The following VPS13C variants were observed in gnomAD, a reference collection of about 807,000 sequenced individuals.
VPS13C encodes intermembrane lipid transfer protein VPS13C.
VPS13C carries 358 observed loss-of-function variants against 456.8 expected under a neutral mutation model. The ratio of observed to expected loss-of-function variants is 0.78; its 90% CI spans 0.72 to 0.86. VPS13C has a LOEUF of 0.86. Ranked by LOEUF, VPS13C falls within the 40% of genes least tolerant of loss-of-function variation. VPS13C has a pLI of 0.00. For synonymous variants in VPS13C, 1,578 were observed against 1,486.7 expected (o/e 1.06, Z -1.41); for missense variants, 4,818 against 4,385.4 (o/e 1.10, Z -2.79).
At chr15:61,950,879 A>T (rs532095703) in intron 40 of VPS13C, 66 bp downstream of exon 40, 2 of 991,580 alleles carry the variant, frequency 2.0e-6, no homozygotes, top group Non-Finnish European at 2.8e-6. Context: ...TGAGAATATT[A>T]AATATAAGGG....
At chr15:62,046,558 C>G (rs2048409310) in intron 1 of VPS13C, among the ~76,000 whole-genome samples, 1 of 152,128 alleles carries the variant, frequency 6.6e-6, no homozygotes, top group Non-Finnish European at 1.5e-5. Flanking sequence ...TTAATAAGAT[C>G]TAAGGCCCAC....
At chr15:61,963,750 TTG>T in intron 32 of VPS13C, 83 bp downstream of exon 32, 1 of 955,214 alleles carries the variant, frequency 1.0e-6, no homozygotes, top group Non-Finnish European at 1.6e-6. Flanking sequence ...AGCCCTTTAT[TTG>T]TACATTCTTT....
chr15:62,010,033 CA>C (rs925918493), intron 13 of VPS13C, among the ~76,000 whole-genome samples: 7 of 151,402 alleles, frequency 4.6e-5, no homozygotes, highest in Non-Finnish European at 8.9e-5. Flanking sequence ...TAAAAAAATA[CA>C]AAAAAAATAG....
intron 48 of VPS13C, among the ~76,000 whole-genome samples, chr15:61,934,912 G>A (rs373889468): frequency 1.1e-3 from 171 of 151,904 alleles, no homozygotes; most frequent in African/African-American, 3.8e-3. Context: ...CACCACTCCC[G>A]GCTAATTTTT....
rs1772428968 is a variant in VPS13C, at chr15:61,939,099, A to G, written c.5601+1548T>C. ...TTTACAACATCCATTATATGAAGAT[A>G]CCAAAATTTTATCCATGTTCTGCTA... On this transcript the variant is annotated intron_variant, in intron 47 of 84. Transcript: ENST00000644861. Among the ~76,000 whole-genome samples the G allele has an allele frequency of 2.0e-5, 3 of 152,210 alleles. No individual in the cohort carries two copies. In the South Asian group the frequency reaches 6.2e-4, roughly 32 times the overall value.
At chr15:62,057,215 A>C (rs1340903105) in intron 1 of VPS13C, among the ~76,000 whole-genome samples, 4 of 151,588 alleles carry the variant, frequency 2.6e-5, no homozygotes, top group Non-Finnish European at 4.4e-5. Context: ...CAACAACAAA[A>C]AAAAAACTCT....
chr15:62,001,456 T>C (rs1238465253), intron 15 of VPS13C, among the ~76,000 whole-genome samples: 1 of 152,214 alleles, frequency 6.6e-6, no homozygotes, highest in East Asian at 1.9e-4. Flanking sequence ...ATTAAGCAAA[T>C]TATGTATCCA....
At chr15:61,942,128 TAA>T in intron 45 of VPS13C, 61 bp from the exon 46 acceptor site, 1 of 1,417,688 alleles carries the variant, frequency 7.1e-7, no homozygotes, top group Non-Finnish European at 9.5e-7. Context: ...GAAAAAACTT[TAA>T]AAAGCATTTA....
chr15:61,954,215 T>C (rs2044903567), intron 38 of VPS13C, among the ~76,000 whole-genome samples: 1 of 152,188 alleles, frequency 6.6e-6, no homozygotes, highest in South Asian at 2.1e-4. Flanking sequence ...AAGCATGTTA[T>C]ACAACATGCT....
chr15:61,923,014 A>C (rs2043712413), intron 53 of VPS13C, among the ~76,000 whole-genome samples: 1 of 152,210 alleles, frequency 6.6e-6, no homozygotes, highest in Admixed American at 6.5e-5. Flanking sequence ...CTGGAATTAA[A>C]TAACTAATGT....
chr15:61,877,111 G>A (rs547478818), intron 74 of VPS13C, 57 bp from the exon 75 acceptor site: 28 of 1,403,514 alleles, frequency 2.0e-5, no homozygotes, highest in Admixed American at 1.1e-4. Flanking sequence ...TAAAAAAAGA[G>A]ACTTAAAATT....
In VPS13C at chr15:62,013,195, T is replaced by C; in HGVS notation, c.745-76A>G. 6.5e-6 allele frequency: 7 copies of C among 1,072,230 alleles called. No individual in the cohort carries two copies. In the South Asian group the frequency reaches 7.4e-5, roughly 11 times the overall value. The allele number at this position is 1,072,230 out of a possible 1,614,324, so 66.4% of individuals were successfully genotyped here. On this transcript the variant is annotated intron_variant, in intron 10 of 84. Transcript: ENST00000644861. ...AATCAATATTAAAAGATTATTCTCA[T>C]GTTCACCACTCCAAAATTACCCAAA...
rs548376751 is a variant in VPS13C, at chr15:61,901,760, G to T, written c.9105+5504C>A. Among the ~76,000 whole-genome samples, 24 of 151,964 alleles carry T rather than the reference G, an allele frequency of 1.6e-4. No individual in the cohort carries two copies. In the East Asian group the frequency reaches 4.3e-3, roughly 27 times the overall value. ...CATTTGACCCAGCCATCCCATTACT[G>T]GGTATATACCCAAAGGACTATAAAT... On this transcript the variant is annotated intron_variant, in intron 66 of 84. Transcript: ENST00000644861.
At chr15:61,936,850 T>C in intron 47 of VPS13C, 100 bp from the exon 48 acceptor site, 4 of 1,231,488 alleles carry the variant, frequency 3.2e-6, no homozygotes, top group Non-Finnish European at 4.5e-6. Context: ...ATTGTTCACC[T>C]ACTTAAAAAG....
At chr15:62,023,300 A>C (rs757081054) in intron 8 of VPS13C, 111 bp downstream of exon 8, 75 of 639,774 alleles carry the variant, frequency 1.2e-4, no homozygotes, top group Non-Finnish European at 1.8e-4. Flanking sequence ...CTCATAAGAA[A>C]AAAATTAATC....
Position 61,963,818 on chromosome 15 carries a change from G to A in VPS13C, c.3331+17C>T. The A allele has an allele frequency of 6.4e-7, 1 of 1,557,028 alleles. No homozygotes were observed. Among genetic ancestry groups the A allele is most frequent in the Non-Finnish European group, 8.8e-7 (1 of 1,132,020 alleles). On this transcript the variant is annotated intron_variant, in intron 32 of 84. Transcript: ENST00000644861. ...GTTTATCTTTTCGCCAATTTTCAAT[G>A]CCGTGTGAACTTTTACCTTGAATCT...
intron 18 of VPS13C, among the ~76,000 whole-genome samples, chr15:61,988,231 A>G (rs183771593): frequency 6.6e-6 from 1 of 152,212 alleles, no homozygotes; most frequent in Non-Finnish European, 1.5e-5. Context: ...TTACAAGGGA[A>G]CTTTTTGGAA....
At chr15:61,921,878 C>G (rs1292995893) in intron 55 of VPS13C, 69 bp downstream of exon 55, 1 of 1,514,724 alleles carries the variant, frequency 6.6e-7, no homozygotes, top group African/African-American at 1.4e-5. Context: ...TTAAGAATCA[C>G]TGAAATAAAA....
At position 61,874,975 on chromosome 15, in the gene VPS13C, ATCT is replaced by A. The variant is rs753061284; in HGVS notation, c.10339-27_10339-25del. On this transcript the variant is annotated intron_variant, in intron 76 of 84. Transcript: ENST00000644861. The stretch of plus-strand genomic sequence containing the variant: ...CCCTGGCAAAAAAAAATAAAAAATA[ATCT>A]TATTATTTAAAATTTAAGTTTCAGA... 4.6e-6 allele frequency: 7 copies of A among 1,524,504 alleles called. No homozygotes were observed. In the African/African-American group the frequency reaches 7.1e-5, roughly 15 times the overall value. The allele number at this position is 1,524,504 out of a possible 1,614,324, so 94.4% of individuals were successfully genotyped here. A position where few individuals can be genotyped will look rare whatever the true frequency, so the allele number is the denominator to read the frequency against.
Sources: allele counts gnomAD v4.1 joint callset (sites outside exome capture counted in the v4.1 genomes callset), GRCh38; gene constraint gnomAD v4.1.1; transcripts MANE v1.5; gene names NCBI Gene and HGNC (gene_info 2026-07-23, HGNC 2026-07-21).